Variants in NAA50 observed in about 807,000 individuals in gnomAD.
NAA50 encodes the protein N-alpha-acetyltransferase 50.
NAA50 carries 7 observed loss-of-function variants against 20.7 expected under a neutral mutation model. The observed-to-expected ratio is 0.34, with a 90% CI of 0.19 to 0.63. The LOEUF (loss-of-function observed/expected upper bound fraction) is 0.63. NAA50 is among the 30% of genes least tolerant of loss of function. NAA50 has a pLI of 0.75. For missense variants in NAA50, 111 were observed against 199.1 expected, an observed-to-expected ratio of 0.56 and a Z score of 2.66; for synonymous variants, 54 against 70.6, an observed-to-expected ratio of 0.77 and a Z score of 1.18.
intron 1 of NAA50, among the ~76,000 whole-genome samples, chr3:113,738,067 T>TGG (rs1380730965): frequency 6.6e-6 from 1 of 152,092 alleles, no homozygotes; most frequent in Non-Finnish European, 1.5e-5. Flanking sequence ...GAAGGTGGGG[T>TGG]GGATCAGCTC....
intron 1 of NAA50, among the ~76,000 whole-genome samples, chr3:113,729,200 G>A (rs1708239281): frequency 6.6e-6 from 1 of 152,086 alleles, no homozygotes. Context: ...TGGCCAGGCT[G>A]GTCTTGAAAT....
chr3:113,721,571 C>G lies in NAA50; in HGVS notation c.*189G>C. 1.6e-6 allele frequency: 1 copy of G among 641,934 alleles called. No individual in the cohort carries two copies. Among genetic ancestry groups the G allele is most frequent in the Non-Finnish European group, 2.6e-6 (1 of 378,850 alleles). 39.8% of individuals were successfully genotyped at this position (641,934 alleles called of 1,614,324 possible). A position where few individuals can be genotyped will look rare whatever the true frequency, so the allele number is the denominator to read the frequency against. On this transcript the variant is annotated 3_prime_UTR_variant, in exon 5 of 5. Transcript: ENST00000240922. ...CTCACAAAAATAAGAGAAAACAATT[C>G]AAACATGATTATTTTTTTAAAGTCC...
chr3:113,745,653 T>C (rs767568840), intron 1 of NAA50: 10 of 424,942 alleles, frequency 2.4e-5, no homozygotes, highest in East Asian at 1.2e-4. Flanking sequence ...CACAATAGCC[T>C]TTCCATGTTG....
chr3:113,729,018 C>T (rs1237456654), intron 1 of NAA50, among the ~76,000 whole-genome samples: 1 of 151,184 alleles, frequency 6.6e-6, no homozygotes, highest in Non-Finnish European at 1.5e-5. Flanking sequence ...CGGAGTCTCC[C>T]TCTGTTGCTC....
rs139592731 is a variant in NAA50 at position 113,726,519 on chromosome 3, G to A, written c.9-2424C>T. 1.1e-3 allele frequency among the ~76,000 whole-genome samples: 170 copies of A among 151,832 alleles called. 2 individuals are homozygous for A. The highest frequency in any genetic ancestry group is 3.8e-3 in the African/African-American group (157 of 41,416). On this transcript the variant is annotated intron_variant, in intron 1 of 4. Transcript: ENST00000240922. ...AAAAAAAATTGGGAGGCCAAGGTGGGCAGATCATAAGGTCAAGAGTTTGAG... is the reference window on the plus strand; with the variant it reads ...AAAAAAAATTGGGAGGCCAAGGTGGACAGATCATAAGGTCAAGAGTTTGAG...
chr3:113,721,425 T>C lies in NAA50; in HGVS notation c.*335A>G. On this transcript the variant is annotated 3_prime_UTR_variant, in exon 5 of 5. Coordinates refer to ENST00000240922, the MANE Select transcript of NAA50 (RefSeq NM_025146.4). The stretch of plus-strand genomic sequence containing the variant: ...TTGAAATATACAATGTTTTGTAGGC[T>C]CTGCCCTTCAATGTGAAAGCAGGAC... 1 of 288,374 alleles carries C rather than the reference T, an allele frequency of 3.5e-6. No homozygotes were observed. The highest frequency in any genetic ancestry group is 4.1e-5 in the South Asian group (1 of 24,624). 17.9% of individuals were successfully genotyped at this position (288,374 alleles called of 1,614,324 possible).
chr3:113,732,402 T>C (rs930560825), intron 1 of NAA50, among the ~76,000 whole-genome samples: 11 of 152,192 alleles, frequency 7.2e-5, no homozygotes, highest in Non-Finnish European at 7.3e-5. Flanking sequence ...TCCTACTGTA[T>C]TAGTATCCTA....
At chr3:113,733,291 A>C (rs574070077) in intron 1 of NAA50, among the ~76,000 whole-genome samples, 139 of 152,020 alleles carry the variant, frequency 9.1e-4, no homozygotes, top group Non-Finnish European at 1.3e-3. Context: ...AAAACTGGGA[A>C]TTCTTTATAG....
rs1387323252 is a variant in NAA50, at chr3:113,716,506, G to T, written c.*5254C>A. The T allele has an allele frequency of 6.6e-6, 1 of 152,202 alleles. No individual in the cohort carries two copies. The highest frequency in any genetic ancestry group is 1.9e-4 in the East Asian group (1 of 5,204). 9.4% of individuals were successfully genotyped at this position (152,202 alleles called of 1,614,324 possible). A position where few individuals can be genotyped will look rare whatever the true frequency, so the allele number is the denominator to read the frequency against. On this transcript the variant is annotated 3_prime_UTR_variant, in exon 5 of 5. Transcript: ENST00000240922. ...TACTTTAGGGGAAGAGATGGCTAGT[G>T]ACAAGGAGAATTCAAGATTGTTCAA... is the stretch of plus-strand genomic sequence containing the variant.
At chr3:113,739,134 T>C (rs1281266908) in intron 1 of NAA50, among the ~76,000 whole-genome samples, 1 of 152,128 alleles carries the variant, frequency 6.6e-6, no homozygotes, top group African/African-American at 2.4e-5. Flanking sequence ...AAAAGTAGAG[T>C]TAAAGCAAAA....
In NAA50 at chr3:113,745,957, G is replaced by C. The variant is rs1226203050; in HGVS notation, c.-8C>G. 14 of 1,605,394 alleles carry C rather than the reference G, an allele frequency of 8.7e-6. No homozygotes were observed. Among genetic ancestry groups the C allele is most frequent in the South Asian group, 1.1e-5 (1 of 90,710 alleles). On this transcript the variant is annotated 5_prime_UTR_variant, in exon 1 of 5. Transcript: ENST00000240922. ...CCTTCCTCACCCTTTCATCTTCCCC[G>C]CCTGCTGAGGCCGTCGTTACCACCG...
At chr3:113,736,425 T>C (rs1212451363) in intron 1 of NAA50, among the ~76,000 whole-genome samples, 2 of 152,234 alleles carry the variant, frequency 1.3e-5, no homozygotes, top group African/African-American at 2.4e-5. Context: ...CGGCTATTAA[T>C]TTGTGCCACA....
chr3:113,724,428 G>A (rs1180608204), intron 1 of NAA50, among the ~76,000 whole-genome samples: 2 of 152,276 alleles, frequency 1.3e-5, no homozygotes, highest in East Asian at 3.9e-4. Context: ...TAAAATTACA[G>A]TTCCTTTGCC....
rs540933721 is a variant in NAA50 at position 113,719,939 on chromosome 3, C to T, written c.*1821G>A. The T allele has an allele frequency of 8.0e-4, 122 of 152,782 alleles. No homozygotes were observed. The highest frequency in any genetic ancestry group is 2.8e-3 in the African/African-American group (115 of 41,590). 9.5% of individuals were successfully genotyped at this position (152,782 alleles called of 1,614,324 possible). A position where few individuals can be genotyped will look rare whatever the true frequency, so the allele number is the denominator to read the frequency against. ...TGCCTTCTGTAACTCAAGCACTCTT[C>T]TCTTGCCAAGAGCAAGCTGAAGCTT... On this transcript the variant is annotated 3_prime_UTR_variant, in exon 5 of 5. Transcript: ENST00000240922.
intron 1 of NAA50, among the ~76,000 whole-genome samples, chr3:113,728,417 G>A (rs369377965): frequency 1.2e-4 from 19 of 152,206 alleles, no homozygotes; most frequent in African/African-American, 4.3e-4. Flanking sequence ...TACTAACAGT[G>A]TATGTACATA....
intron 1 of NAA50, among the ~76,000 whole-genome samples, chr3:113,730,409 T>TAA (rs776944208): frequency 2.8e-4 from 43 of 151,902 alleles, no homozygotes; most frequent in Non-Finnish European, 5.3e-4. Flanking sequence ...TCCTGCCTTT[T>TAA]ATGGGCATCA....
rs1708094479 is a variant in NAA50 at position 113,718,667 on chromosome 3, C to T, written c.*3093G>A. The stretch of plus-strand genomic sequence containing the variant: ...GAATATGTTGTCTGTAGCCAATAAA[C>T]ATTACTAACTAGATTGCAGCCTAAA... On this transcript the variant is annotated 3_prime_UTR_variant, in exon 5 of 5. Coordinates refer to ENST00000240922, the MANE Select transcript of NAA50 (RefSeq NM_025146.4). The T allele has an allele frequency of 6.6e-6, 1 of 152,134 alleles. No individual in the cohort carries two copies. Among genetic ancestry groups the T allele is most frequent in the African/African-American group, 2.4e-5 (1 of 41,438 alleles). The allele number at this position is 152,134 out of a possible 1,614,324, so 9.4% of individuals were successfully genotyped here. A position where few individuals can be genotyped will look rare whatever the true frequency, so the allele number is the denominator to read the frequency against.
rs529633394 is a variant in NAA50, at chr3:113,746,096, C to T, written c.-147G>A. On this transcript the variant is annotated 5_prime_UTR_variant, in exon 1 of 5. Coordinates refer to ENST00000240922, the MANE Select transcript of NAA50 (RefSeq NM_025146.4). ...CAGGGAGCTGTGCGAGCAACGAAGG[C>T]CGCGAGAGTCGAGTGAGGGCTTGAG... The T allele has an allele frequency of 1.2e-4, 130 of 1,046,784 alleles. 2 individuals are homozygous for T. In the South Asian group the frequency reaches 1.9e-3, roughly 15 times the overall value. The allele number at this position is 1,046,784 out of a possible 1,614,324, so 64.8% of individuals were successfully genotyped here. A position where few individuals can be genotyped will look rare whatever the true frequency, so the allele number is the denominator to read the frequency against.
At chr3:113,726,926 C>CTGAGGAAGGCACA (rs2107986573) in intron 1 of NAA50, among the ~76,000 whole-genome samples, 2 of 152,278 alleles carry the variant, frequency 1.3e-5, no homozygotes, top group East Asian at 3.9e-4. Flanking sequence ...TAACGAGTAG[C>CTGAGGAAGGCACA]TGAGGAAGGC....
Sources: allele counts gnomAD v4.1 joint callset (sites outside exome capture counted in the v4.1 genomes callset), GRCh38; gene constraint gnomAD v4.1.1; transcripts MANE v1.5; gene names NCBI Gene and HGNC (gene_info 2026-07-23, HGNC 2026-07-21).